FBN2: variants seen among roughly 807,000 people sequenced by gnomAD.
FBN2 encodes fibrillin 2.
In FBN2, 105 loss-of-function variants were observed where a neutral mutation model predicts 355.6. The ratio of observed to expected loss-of-function variants is 0.30; its 90% CI spans 0.25 to 0.35. The LOEUF (loss-of-function observed/expected upper bound fraction) is 0.35, where lower values mean the gene tolerates loss of function less well. Ranked by LOEUF, FBN2 falls within the 10% of genes least tolerant of loss-of-function variation. FBN2 has a pLI of 1.00. For synonymous variants in FBN2, 1,350 were observed against 1,301.2 expected, an observed-to-expected ratio of 1.04 and a Z score of -0.81; for missense variants, 3,280 against 3,758.7, an observed-to-expected ratio of 0.87 and a Z score of 3.33.
rs558976663 is a variant in FBN2, at chr5:128,271,769, C to T, written c.7960+230G>A. Among the ~76,000 whole-genome samples, 152 of 152,140 alleles carry T rather than the reference C, an allele frequency of 1.0e-3. 2 individuals carry two copies. Among genetic ancestry groups the T allele is most frequent in the Non-Finnish European group, 3.4e-4 (23 of 68,030 alleles). ...TTAGCAGATATTTAAAATGAAGTAA[C>T]CTCTAGTTAAGTTAACTTCCCGGTA... On this transcript the variant is annotated intron_variant, in intron 62 of 64. Transcript: ENST00000262464.
rs181348183 is a variant in FBN2, at chr5:128,282,078, T to A, written c.7013-1761A>T. ...TTCATACTTGATTGAGTATAGCATT[T>A]TAGTTCAAAATTATTTTCCCTTAGA... On this transcript the variant is annotated intron_variant, in intron 55 of 64. Coordinates refer to ENST00000262464, the MANE Select transcript of FBN2 (RefSeq NM_001999.4). 9.2e-5 allele frequency among the ~76,000 whole-genome samples: 14 copies of A among 152,294 alleles called. No individual in the cohort carries two copies. In the East Asian group the frequency reaches 2.5e-3, roughly 27 times the overall value.
rs778971520 is a variant in FBN2 at position 128,377,722 on chromosome 5, C to A, written c.1849+30G>T. On this transcript the variant is annotated intron_variant, in intron 13 of 64. Transcript: ENST00000262464. ...ATAAAAATGTATATCCTTTTAAAAT[C>A]TTTTGCAAGGGAGCAGGCAATTTCC... is the stretch of plus-strand genomic sequence containing the variant. 2.5e-6 allele frequency: 4 copies of A among 1,611,298 alleles called. No homozygotes were observed. The South Asian group carries it at 3.3e-5, about 13-fold the overall frequency.
At chr5:128,473,823 A>G (rs1189320651) in intron 5 of FBN2, among the ~76,000 whole-genome samples, 2 of 152,242 alleles carry the variant, frequency 1.3e-5, no homozygotes, top group African/African-American at 4.8e-5. Flanking sequence ...GCATTGAGAG[A>G]AACATTAAAG....
chr5:128,393,035 G>A (rs1026735972), intron 10 of FBN2, 100 bp downstream of exon 10: 1 of 932,746 alleles, frequency 1.1e-6, no homozygotes, highest in Non-Finnish European at 1.8e-6. Flanking sequence ...ATGTGCAAGT[G>A]TGTTCATACA....
At chr5:128,434,394 G>GTGTGTA in intron 7 of FBN2, among the ~76,000 whole-genome samples, 1 of 91,680 alleles carries the variant, frequency 1.1e-5, no homozygotes, top group East Asian at 2.8e-4. Context: ...AATAAAGTGT[G>GTGTGTA]TATATATATA....
At chr5:128,296,800 G>T (rs372689245) in intron 48 of FBN2, among the ~76,000 whole-genome samples, 2 of 151,816 alleles carry the variant, frequency 1.3e-5, no homozygotes, top group Non-Finnish European at 2.9e-5. Flanking sequence ...TCCTGGATTC[G>T]TTAATTTTTT....
chr5:128,491,242 A>G (rs1024437747), intron 5 of FBN2, among the ~76,000 whole-genome samples: 1 of 152,188 alleles, frequency 6.6e-6, no homozygotes, highest in African/African-American at 2.4e-5. Flanking sequence ...AGCTTGAAAA[A>G]CTTTTGAAAA....
chr5:128,282,301 G>A (rs930058088), intron 55 of FBN2, among the ~76,000 whole-genome samples: 1 of 151,850 alleles, frequency 6.6e-6, no homozygotes, highest in African/African-American at 2.4e-5. Flanking sequence ...GAAATTTAAA[G>A]GTATATACAA....
rs774984154 is a variant in FBN2 at position 128,392,009 on chromosome 5, C to G, written c.1603+9G>C. Reference sequence around the variant, plus strand: ...ACTAAGAAGGATTATTAAAGAATCACAAACTTACCTATACAATCTCCATTT... The same window carrying G: ...ACTAAGAAGGATTATTAAAGAATCAGAAACTTACCTATACAATCTCCATTT... On this transcript the variant is annotated intron_variant, in intron 11 of 64. Coordinates refer to ENST00000262464, the MANE Select transcript of FBN2 (RefSeq NM_001999.4). 2 of 1,612,912 alleles carry G rather than the reference C, an allele frequency of 1.2e-6. No homozygotes were observed. Among genetic ancestry groups the G allele is most frequent in the Non-Finnish European group, 8.5e-7 (1 of 1,179,034 alleles).
At chr5:128,522,502 G>T (rs146518775) in intron 4 of FBN2, among the ~76,000 whole-genome samples, 1 of 152,244 alleles carries the variant, frequency 6.6e-6, no homozygotes, top group Non-Finnish European at 1.5e-5. Context: ...AAGACAAAGT[G>T]CACAGTGGCT....
intron 5 of FBN2, among the ~76,000 whole-genome samples, chr5:128,473,101 A>G (rs948369649): frequency 6.6e-6 from 1 of 152,170 alleles, no homozygotes; most frequent in Non-Finnish European, 1.5e-5. Context: ...CTTACTGACT[A>G]TACTTTGGCA....
At chr5:128,527,353 C>G (rs1469520531) in intron 4 of FBN2, among the ~76,000 whole-genome samples, 1 of 152,096 alleles carries the variant, frequency 6.6e-6, no homozygotes, top group Non-Finnish European at 1.5e-5. Flanking sequence ...ACAATAACAT[C>G]TGCTTTTTAA....
intron 64 of FBN2, among the ~76,000 whole-genome samples, chr5:128,260,046 A>C (rs1237661361): frequency 6.6e-6 from 1 of 152,072 alleles, no homozygotes; most frequent in Non-Finnish European, 1.5e-5. Context: ...TACCCTGTAA[A>C]TCTTTAGGAC....
chr5:128,381,784 T>G (rs1345406023), intron 11 of FBN2, among the ~76,000 whole-genome samples: 1 of 152,078 alleles, frequency 6.6e-6, no homozygotes, highest in Non-Finnish European at 1.5e-5. Context: ...AGGCTGCATA[T>G]GGTTATATAG....
Position 128,259,393 on chromosome 5 carries a change from T to C in FBN2, c.*62A>G. ...CCTCTTTAAAATTAGTCCTTGACTT[T>C]TCAAATGCTTCTGCAGACTGGCTGT... On this transcript the variant is annotated 3_prime_UTR_variant, in exon 65 of 65. Transcript: ENST00000262464. 6 of 1,595,788 alleles carry C rather than the reference T, an allele frequency of 3.8e-6. No homozygotes were observed. The highest frequency in any genetic ancestry group is 4.3e-6 in the Non-Finnish European group (5 of 1,165,276).
intron 5 of FBN2, among the ~76,000 whole-genome samples, chr5:128,496,482 A>C (rs565134625): frequency 2.6e-5 from 4 of 152,100 alleles, no homozygotes; most frequent in Non-Finnish European, 5.9e-5. Context: ...ACACTAAAAA[A>C]CTAGGAGTAG....
At chr5:128,530,753 A>G in intron 2 of FBN2, 60 bp from the exon 3 acceptor site, 1 of 1,098,596 alleles carries the variant, frequency 9.1e-7, no homozygotes, top group Non-Finnish European at 1.4e-6. Context: ...TAGTTTACAA[A>G]ACAAGAAAGC....
intron 6 of FBN2, among the ~76,000 whole-genome samples, chr5:128,452,080 A>G (rs1321524390): frequency 2.0e-5 from 3 of 152,164 alleles, no homozygotes; most frequent in Non-Finnish European, 4.4e-5. Flanking sequence ...AAAAGAAATT[A>G]TATAGAAATA....
chr5:128,402,371 C>T (rs182489031), intron 8 of FBN2, among the ~76,000 whole-genome samples: 98 of 152,124 alleles, frequency 6.4e-4, no homozygotes, highest in Non-Finnish European at 1.2e-3. Flanking sequence ...CATTTTCTAT[C>T]GCCCTTACTA....
Sources: allele counts gnomAD v4.1 joint callset (sites outside exome capture counted in the v4.1 genomes callset), GRCh38; gene constraint gnomAD v4.1.1; transcripts MANE v1.5; gene names NCBI Gene and HGNC (gene_info 2026-07-23, HGNC 2026-07-21).